The following EHD3 variants were observed in gnomAD, a reference collection of about 807,000 sequenced individuals.
The protein encoded by EHD3 is EH domain-containing protein 3.
A neutral mutation model predicts 43.0 loss-of-function variants in EHD3; 17 were observed. The observed-to-expected ratio is 0.40, with a 90% confidence interval of 0.27 to 0.59. The LOEUF (loss-of-function observed/expected upper bound fraction) is 0.59, where lower values mean the gene tolerates loss of function less well. EHD3 is among the 20% of genes least tolerant of loss of function. EHD3 has a pLI of 0.49. For missense variants in EHD3, 594 were observed against 705.6 expected, an observed-to-expected ratio of 0.84 and a Z score of 1.79; for synonymous variants, 313 against 289.5, an observed-to-expected ratio of 1.08 and a Z score of -0.82.
At position 31,261,530 on chromosome 2, in the gene EHD3, C is replaced by T; in HGVS notation, c.916-19C>T. On this transcript the variant is annotated intron_variant, in intron 4 of 5. Coordinates refer to ENST00000322054, the MANE Select transcript of EHD3 (RefSeq NM_014600.3). ...CCAGGGTCTTGATGTGAAGGCTTCT[C>T]TCTGGCCCTGTTTGTCAGGTCCACG... 6.2e-7 allele frequency: 1 copy of T among 1,613,830 alleles called. No individual in the cohort carries two copies. The highest frequency in any genetic ancestry group is 8.5e-7 in the Non-Finnish European group (1 of 1,179,832).
chr2:31,238,959 C>G (rs1390113311), intron 1 of EHD3, among the ~76,000 whole-genome samples: 1 of 152,128 alleles, frequency 6.6e-6, no homozygotes. Flanking sequence ...CACGGACCTT[C>G]TATCGTGTGA....
At chr2:31,241,255 A>G (rs950247919) in intron 1 of EHD3, among the ~76,000 whole-genome samples, 1 of 152,072 alleles carries the variant, frequency 6.6e-6, no homozygotes, top group South Asian at 2.1e-4. Context: ...TGTCCCATTC[A>G]TCGTTCTAAA....
intron 3 of EHD3, among the ~76,000 whole-genome samples, chr2:31,255,448 C>T (rs80242148): frequency 6.8e-6 from 1 of 147,838 alleles, no homozygotes; most frequent in African/African-American, 2.7e-5. Flanking sequence ...CTACCACAGA[C>T]CCCTCATTCA....
rs1331410453 is a variant in EHD3 at position 31,268,275 on chromosome 2, C to T, written c.*1571C>T. ...GTGATGGAAAACAAAATGAGTATAA[C>T]TTATTTTATATCCATATTCAGACTA... On this transcript the variant is annotated 3_prime_UTR_variant, in exon 6 of 6. Coordinates refer to ENST00000322054, the MANE Select transcript of EHD3 (RefSeq NM_014600.3). 1 of 152,642 alleles carries T rather than the reference C, an allele frequency of 6.6e-6. No homozygotes were observed. The highest frequency in any genetic ancestry group is 2.4e-5 in the African/African-American group (1 of 41,450). 9.5% of individuals were successfully genotyped at this position (152,642 alleles called of 1,614,324 possible).
intron 1 of EHD3, among the ~76,000 whole-genome samples, chr2:31,241,713 A>G (rs974228487): frequency 3.3e-5 from 5 of 152,168 alleles, no homozygotes; most frequent in African/African-American, 1.2e-4. Flanking sequence ...TCCCTGAGTT[A>G]AGTACCCCCT....
chr2:31,246,055 A>G (rs1313607073), intron 2 of EHD3, among the ~76,000 whole-genome samples: 1 of 151,998 alleles, frequency 6.6e-6, no homozygotes, highest in East Asian at 1.9e-4. Flanking sequence ...TCACGCTGAG[A>G]AATCTTGGGA....
At position 31,234,481 on chromosome 2, in the gene EHD3, C is replaced by A; in HGVS notation, c.-141C>A. On this transcript the variant is annotated 5_prime_UTR_variant, in exon 1 of 6. Transcript: ENST00000322054. ...CTCCCGGCCCTCCTAGCCGCGTGCC[C>A]GGGCCATGGTGCGGCTGAGCCCCGC... 1 of 919,990 alleles carries A rather than the reference C, an allele frequency of 1.1e-6. No individual in the cohort carries two copies. Among genetic ancestry groups the A allele is most frequent in the Non-Finnish European group, 1.6e-6 (1 of 620,942 alleles). 57.0% of individuals were successfully genotyped at this position (919,990 alleles called of 1,614,324 possible). A position where few individuals can be genotyped will look rare whatever the true frequency, so the allele number is the denominator to read the frequency against.
Position 31,266,054 on chromosome 2 carries a change from C to T in EHD3, c.1081-123C>T. The T allele has an allele frequency of 7.9e-7, 1 of 1,266,620 alleles. No homozygotes were observed. 78.5% of individuals were successfully genotyped at this position (1,266,620 alleles called of 1,614,324 possible). On this transcript the variant is annotated intron_variant, in intron 5 of 5. Transcript: ENST00000322054. This position sits in a 1 kb window ranked among gnomAD's most constrained non-coding sequence, Gnocchi z 5.1. ...GTCCATCAGCTGAGCCTCTAGGTCA[C>T]AGGTCTTTCATTGTAGAAAGGGATC...
chr2:31,244,200 C>G, intron 1 of EHD3, 74 bp from the exon 2 acceptor site: 2 of 1,452,598 alleles, frequency 1.4e-6, no homozygotes, highest in Non-Finnish European at 1.9e-6. Context: ...CGCATGTTGT[C>G]TGCCTTATAG....
intron 3 of EHD3, among the ~76,000 whole-genome samples, chr2:31,256,591 A>G (rs1400755430): frequency 6.6e-6 from 1 of 152,238 alleles, no homozygotes; most frequent in Non-Finnish European, 1.5e-5. Context: ...AGAGCAGAAC[A>G]GGAGCGTGCA....
Position 31,260,643 on chromosome 2 carries a change from C to T in EHD3, c.636C>T (p.Asp212=). 1.9e-6 allele frequency: 3 copies of T among 1,614,224 alleles called. No individual in the cohort carries two copies. In the South Asian group the frequency reaches 3.3e-5, roughly 18 times the overall value. ...EVIKALKNHE[D]KMRVVLNKAD... ...TCAAAGCCCTCAAGAACCACGAGGA[C>T]AAGATGCGAGTGGTGCTGAACAAAG... Residue 212 remains aspartate (D), a synonymous_variant, in exon 4 of 6, where the codon GAC becomes GAT. Transcript: ENST00000322054. This position sits in a 1 kb window ranked among gnomAD's most constrained non-coding sequence, Gnocchi z 4.6.
Position 31,234,640 on chromosome 2 carries a change from A to G in EHD3, c.19A>G (p.Thr7Ala). Residue 7 changes from threonine (T) to alanine (A), a missense_variant, in exon 1 of 6, where the codon ACG (threonine) becomes GCG (alanine). Physicochemically the swap from Thr to Ala is moderately conservative, Grantham distance 58. Coordinates refer to ENST00000322054, the MANE Select transcript of EHD3 (RefSeq NM_014600.3). ...GGCCGCGATGTTCAGCTGGCTGGGTACGGACGACCGCCGGAGGAAGGACCC... is the reference window on the plus strand; with the variant it reads ...GGCCGCGATGTTCAGCTGGCTGGGTGCGGACGACCGCCGGAGGAAGGACCC... MFSWLG[T>A]DDRRRKDPEV... 1 of 1,613,808 alleles carries G rather than the reference A, an allele frequency of 6.2e-7. No homozygotes were observed. Among genetic ancestry groups the G allele is most frequent in the African/African-American group, 1.3e-5 (1 of 75,034 alleles).
intron 3 of EHD3, among the ~76,000 whole-genome samples, chr2:31,259,132 G>C (rs1187562993): frequency 2.6e-5 from 4 of 152,170 alleles, no homozygotes; most frequent in Non-Finnish European, 5.9e-5. Flanking sequence ...GTGCTATGGG[G>C]AGCCAGGATG....
At position 31,260,572 on chromosome 2, in the gene EHD3, T is replaced by C. The variant is rs1683832119; in HGVS notation, c.565T>C (p.Phe189Leu). 6.2e-7 allele frequency: 1 copy of C among 1,614,146 alleles called. No individual in the cohort carries two copies. The highest frequency in any genetic ancestry group is 8.5e-7 in the Non-Finnish European group (1 of 1,179,982). The stretch of plus-strand genomic sequence containing the variant: ...GCGGGTTGACCGCATCATTCTGCTC[T>C]TCGATGCCCACAAACTGGACATCTC... The part of the protein sequence containing the change: ...AERVDRIILL[F>L]DAHKLDISDE... Residue 189 changes from phenylalanine (F) to leucine (L), a missense_variant, in exon 4 of 6, where the codon TTC becomes CTC. Around this residue, in one of 3 missense-constraint regions of EHD3, gnomAD observed 243 missense variants for 296.7 expected, o/e 0.82. Transcript: ENST00000322054. The surrounding 1 kb of genome is among the most constrained non-coding windows in gnomAD (Gnocchi z 4.6).
intron 5 of EHD3, among the ~76,000 whole-genome samples, chr2:31,265,873 G>C (rs2148725238): frequency 6.6e-6 from 1 of 152,272 alleles, no homozygotes; most frequent in East Asian, 1.9e-4. Context: ...GAATGACATT[G>C]AAGGGGATTG....
rs140721588 is a variant in EHD3, at chr2:31,243,396, G to A, written c.228-878G>A. 8.6e-5 allele frequency among the ~76,000 whole-genome samples: 13 copies of A among 151,800 alleles called. No individual in the cohort carries two copies. The East Asian group carries it at 2.5e-3, about 29-fold the overall frequency. ...CAGGATACAAAATACAGATACTAGA[G>A]GGTAGGATAGGATGGAGATTCATTT... is the stretch of plus-strand genomic sequence containing the variant. On this transcript the variant is annotated intron_variant, in intron 1 of 5. Transcript: ENST00000322054.
At position 31,234,856 on chromosome 2, in the gene EHD3, G is replaced by A. The variant is rs901546246; in HGVS notation, c.227+8G>A. ...GAAGACCACCTTCATCAGGTGAGCC[G>A]GCCCAGGGTCCTGGCAGCCCACCCC... On this transcript the variant is annotated splice_region_variant and intron_variant, in intron 1 of 5. Transcript: ENST00000322054. 6.2e-6 allele frequency: 10 copies of A among 1,613,786 alleles called. No individual in the cohort carries two copies. The African/African-American group carries it at 1.2e-4, about 19-fold the overall frequency.
intron 2 of EHD3, among the ~76,000 whole-genome samples, chr2:31,245,719 G>A (rs1045460847): frequency 7.7e-5 from 11 of 142,632 alleles, no homozygotes; most frequent in African/African-American, 2.4e-4. Flanking sequence ...GTGCCACCAC[G>A]CCCGACTAAT....
At chr2:31,241,619 A>G (rs1683425512) in intron 1 of EHD3, among the ~76,000 whole-genome samples, 1 of 152,146 alleles carries the variant, frequency 6.6e-6, no homozygotes. Context: ...ATCCATGGAA[A>G]ATTTAGAACA....
Sources: allele counts gnomAD v4.1 joint callset (sites outside exome capture counted in the v4.1 genomes callset), GRCh38; gene constraint gnomAD v4.1.1; regional missense constraint gnomAD v4.1.1; non-coding constraint Gnocchi (gnomAD v3.1); transcripts MANE v1.5; gene names NCBI Gene and HGNC (gene_info 2026-07-23, HGNC 2026-07-21).